Variants in ZSCAN5A observed in about 807,000 individuals in gnomAD.
The protein encoded by ZSCAN5A is zinc finger and SCAN domain containing 5A, also known as zinc finger and SCAN domain-containing protein 5A.
In ZSCAN5A, 12 loss-of-function variants were observed where a neutral mutation model predicts 23.7. The observed-to-expected ratio is 0.51, with a 90% CI of 0.32 to 0.82. The LOEUF is 0.82. ZSCAN5A is among the 40% of genes least tolerant of loss of function. The pLI is 0.03. For synonymous variants in ZSCAN5A, 257 were observed against 239.9 expected, an observed-to-expected ratio of 1.07 and a Z score of -0.66; for missense variants, 597 against 617.9, an observed-to-expected ratio of 0.97 and a Z score of 0.36.
chr19:56,347,717 A>C (rs1448877103), intron 2 of ZSCAN5A: 1 of 152,316 alleles, frequency 6.6e-6, no homozygotes, highest in African/African-American at 2.4e-5. Flanking sequence ...GGACAAGTTT[A>C]TTACACAAGG....
rs2035874920 is a variant in ZSCAN5A, at chr19:56,246,148, G to A, written c.-127-20975C>T. Among the ~76,000 whole-genome samples the A allele has an allele frequency of 2.0e-5, 3 of 152,182 alleles. No homozygotes were observed. In the South Asian group the frequency reaches 6.2e-4, roughly 32 times the overall value. On this transcript the variant is annotated intron_variant, in intron 2 of 5. Coordinates refer to ENST00000683990, the MANE Select transcript of ZSCAN5A (RefSeq NM_001322064.3). ...AGATTAGGGAGAGACTCAGAAATGA[G>A]GTGGTGATGTTTATTTGGGATGATG... is the stretch of plus-strand genomic sequence containing the variant.
At chr19:56,340,727 TAAG>T (rs1266968121) in intron 2 of ZSCAN5A, 1 of 152,214 alleles carries the variant, frequency 6.6e-6, no homozygotes, top group Non-Finnish European at 1.5e-5. Context: ...TTCTGTGGAA[TAAG>T]AAGGAGATAT....
At chr19:56,261,014 C>T (rs2037088438) in intron 2 of ZSCAN5A, among the ~76,000 whole-genome samples, 1 of 152,014 alleles carries the variant, frequency 6.6e-6, no homozygotes, top group Non-Finnish European at 1.5e-5. Context: ...TCAAGACCAG[C>T]CTGGCCAACA....
At chr19:56,356,772 C>T (rs964999937) in intron 2 of ZSCAN5A, among the ~76,000 whole-genome samples, 2 of 148,346 alleles carry the variant, frequency 1.3e-5, no homozygotes, top group African/African-American at 2.5e-5. Flanking sequence ...GGTTATTGTT[C>T]TTTAAAGAGT....
intron 2 of ZSCAN5A, among the ~76,000 whole-genome samples, chr19:56,227,162 G>T (rs1349487338): frequency 6.6e-6 from 1 of 152,122 alleles, no homozygotes; most frequent in Admixed American, 6.6e-5. Context: ...AAAAAAATTA[G>T]ATTTCAAGTA....
At chr19:56,305,757 A>G (rs778642100) in intron 2 of ZSCAN5A, among the ~76,000 whole-genome samples, 3 of 152,192 alleles carry the variant, frequency 2.0e-5, no homozygotes, top group Non-Finnish European at 2.9e-5. Context: ...ATATGATGAA[A>G]AAGAGAACTA....
chr19:56,332,291 A>G (rs2041496950), intron 2 of ZSCAN5A, among the ~76,000 whole-genome samples: 1 of 152,126 alleles, frequency 6.6e-6, no homozygotes, highest in Non-Finnish European at 1.5e-5. Context: ...TATTGTGTGG[A>G]TGAGTCTTTT....
At chr19:56,355,877 C>T (rs1365473258) in intron 2 of ZSCAN5A, among the ~76,000 whole-genome samples, 2 of 148,534 alleles carry the variant, frequency 1.3e-5, no homozygotes, top group African/African-American at 5.1e-5. Flanking sequence ...ATTATGATGA[C>T]CTCAAGTCAC....
At chr19:56,251,651 G>C (rs77826596) in intron 2 of ZSCAN5A, among the ~76,000 whole-genome samples, 2,005 of 152,262 alleles carry the variant, frequency 0.013, 43 homozygotes, top group African/African-American at 0.043. Context: ...TTGATCTCCT[G>C]GGCACCAGCT....
At chr19:56,322,102 A>C in intron 2 of ZSCAN5A, 1 of 760,938 alleles carries the variant, frequency 1.3e-6, no homozygotes, top group Non-Finnish European at 2.4e-6. Context: ...AAGGATATCA[A>C]ATTCAGATAT....
chr19:56,266,283 T>C (rs2037463863), intron 2 of ZSCAN5A: 1 of 152,120 alleles, frequency 6.6e-6, no homozygotes, highest in Non-Finnish European at 1.5e-5. Flanking sequence ...CACGGTGAGA[T>C]CTAGGCCCTC....
At chr19:56,349,752 A>AATC (rs2041656608) in intron 2 of ZSCAN5A, among the ~76,000 whole-genome samples, 1 of 151,680 alleles carries the variant, frequency 6.6e-6, no homozygotes, top group Admixed American at 6.6e-5. Context: ...TTAAGCTGAA[A>AATC]ATCATAAAAG....
chr19:56,327,811 A>G (rs879411985), intron 2 of ZSCAN5A, among the ~76,000 whole-genome samples: 2 of 151,980 alleles, frequency 1.3e-5, no homozygotes, highest in African/African-American at 4.8e-5. Context: ...TATGCACTGT[A>G]GTTCATGTAT....
chr19:56,334,132 A>G (rs1180870686), intron 2 of ZSCAN5A, among the ~76,000 whole-genome samples: 3 of 152,228 alleles, frequency 2.0e-5, no homozygotes, highest in Non-Finnish European at 4.4e-5. Context: ...CTGATAGCAG[A>G]CACAAGCACC....
intron 2 of ZSCAN5A, among the ~76,000 whole-genome samples, chr19:56,294,252 C>T (rs1294067502): frequency 1.3e-5 from 2 of 152,112 alleles, no homozygotes; most frequent in South Asian, 2.1e-4. Flanking sequence ...CTGTACTGGG[C>T]GATTCACGTG....
intron 2 of ZSCAN5A, among the ~76,000 whole-genome samples, chr19:56,275,885 A>G (rs945319901): frequency 6.6e-6 from 1 of 152,234 alleles, no homozygotes; most frequent in Non-Finnish European, 1.5e-5. Flanking sequence ...TGGATGGATG[A>G]TGAACGAATG....
chr19:56,237,301 C>T (rs1463377168), intron 2 of ZSCAN5A, among the ~76,000 whole-genome samples: 1 of 152,164 alleles, frequency 6.6e-6, no homozygotes, highest in Non-Finnish European at 1.5e-5. Flanking sequence ...TCCTTTGCGG[C>T]GGTGCTTTCA....
At chr19:56,354,493 CA>C (rs1270387391) in intron 2 of ZSCAN5A, 20 of 152,172 alleles carry the variant, frequency 1.3e-4, no homozygotes, top group Admixed American at 1.3e-3. Context: ...TGAAATAACA[CA>C]GGGTCTTTAA....
intron 2 of ZSCAN5A, among the ~76,000 whole-genome samples, chr19:56,353,540 C>T (rs1018893816): frequency 2.6e-5 from 4 of 151,998 alleles, no homozygotes; most frequent in African/African-American, 9.7e-5. Context: ...GAGGCCGAGG[C>T]GGGCGAATCA....
Sources: gnomAD v4.1 joint callset for allele counts (sites outside exome capture counted in the v4.1 genomes callset) on GRCh38, gnomAD v4.1.1 for gene constraint, MANE v1.5 for transcripts, NCBI Gene and HGNC (gene_info 2026-07-23, HGNC 2026-07-21) for gene names.